The following ZNF385D variants were observed in gnomAD, a reference collection of about 807,000 sequenced individuals.
ZNF385D encodes the protein zinc finger protein 659.
A neutral mutation model predicts 35.8 loss-of-function variants in ZNF385D; 15 were observed. That is an observed-to-expected ratio of 0.42 (90% CI 0.28 to 0.64). The LOEUF (loss-of-function observed/expected upper bound fraction) is 0.64. Ranked by LOEUF, ZNF385D falls within the 30% of genes least tolerant of loss-of-function variation. The pLI, the probability that ZNF385D is intolerant of heterozygous loss-of-function variation, is 0.23. For synonymous variants in ZNF385D, 212 were observed against 186.8 expected (o/e 1.13, Z -1.10); for missense variants, 474 against 494.6 (o/e 0.96, Z 0.39).
chr3:21,969,502 T>C (rs1703113260), intron 3 of ZNF385D, among the ~76,000 whole-genome samples: 2 of 152,174 alleles, frequency 1.3e-5, no homozygotes, highest in African/African-American at 4.8e-5. Flanking sequence ...CTTTCTTTTA[T>C]AAATTACCCA....
At chr3:21,983,106 G>A (rs904087297) in intron 3 of ZNF385D, among the ~76,000 whole-genome samples, 1 of 148,566 alleles carries the variant, frequency 6.7e-6, no homozygotes, top group Non-Finnish European at 1.5e-5. Context: ...TGGCCTCATA[G>A]AATGAATTGG....
chr3:22,108,359 GT>G (rs34021740), intron 3 of ZNF385D, among the ~76,000 whole-genome samples: 2 of 149,464 alleles, frequency 1.3e-5, no homozygotes, highest in East Asian at 2.0e-4. Flanking sequence ...ATAATGAAAG[GT>G]TTTTTTTGTT....
intron 3 of ZNF385D, among the ~76,000 whole-genome samples, chr3:22,141,593 G>C (rs1019975500): frequency 6.6e-6 from 1 of 152,132 alleles, no homozygotes; most frequent in African/African-American, 2.4e-5. Context: ...GGTGGGACCC[G>C]CGGTAGTTCA....
chr3:21,738,438 T>G (rs1211508003), intron 1 of ZNF385D, among the ~76,000 whole-genome samples: 1 of 152,208 alleles, frequency 6.6e-6, no homozygotes, highest in Non-Finnish European at 1.5e-5. Context: ...CTGTTTGGGT[T>G]GCCATACTTA....
chr3:22,144,313 C>A (rs372205213), intron 3 of ZNF385D, among the ~76,000 whole-genome samples: 1 of 152,056 alleles, frequency 6.6e-6, no homozygotes. Flanking sequence ...GGAGCTCACA[C>A]CTGTAATCTC....
chr3:21,590,114 A>C (rs1575265602), intron 2 of ZNF385D, among the ~76,000 whole-genome samples: 1 of 152,186 alleles, frequency 6.6e-6, no homozygotes, highest in Admixed American at 6.5e-5. Context: ...CTACAGTGGA[A>C]TAGACCTGTA....
chr3:21,704,431 T>C (rs2067821510), intron 1 of ZNF385D, among the ~76,000 whole-genome samples: 1 of 151,910 alleles, frequency 6.6e-6, no homozygotes, highest in South Asian at 2.1e-4. Flanking sequence ...AATACCATTC[T>C]TCATTTACTA....
At chr3:21,831,550 C>T (rs916073834) in intron 3 of ZNF385D, among the ~76,000 whole-genome samples, 2 of 152,282 alleles carry the variant, frequency 1.3e-5, no homozygotes, top group Non-Finnish European at 2.9e-5. Flanking sequence ...AAAGGTTATC[C>T]ATACCACTTA....
At chr3:21,563,716 G>A (rs768784177) in intron 3 of ZNF385D, among the ~76,000 whole-genome samples, 2 of 152,120 alleles carry the variant, frequency 1.3e-5, no homozygotes, top group South Asian at 2.1e-4. Context: ...ATGGTACCTC[G>A]ATAGGATGGA....
At chr3:21,865,153 G>T (rs373692487) in intron 3 of ZNF385D, among the ~76,000 whole-genome samples, 2 of 126,448 alleles carry the variant, frequency 1.6e-5, no homozygotes, top group Admixed American at 2.0e-4. Flanking sequence ...GGTCATTATT[G>T]TAAGATAAGG....
At chr3:22,159,855 T>C (rs1705834166) in intron 3 of ZNF385D, among the ~76,000 whole-genome samples, 1 of 152,066 alleles carries the variant, frequency 6.6e-6, no homozygotes. Context: ...CTGAAGGATA[T>C]GGTCGGTAAG....
intron 3 of ZNF385D, among the ~76,000 whole-genome samples, chr3:21,790,341 G>C (rs77470945): frequency 0.016 from 2,407 of 152,028 alleles, 71 homozygotes; most frequent in African/African-American, 0.055. Context: ...GAGGAAGAAT[G>C]GAAAGATTGA....
chr3:22,146,267 C>T (rs1383857881), intron 3 of ZNF385D, among the ~76,000 whole-genome samples: 1 of 152,092 alleles, frequency 6.6e-6, no homozygotes, highest in Non-Finnish European at 1.5e-5. Flanking sequence ...CAGTAATATT[C>T]GTTTAATAGC....
At chr3:21,823,372 A>T (rs1194302655) in intron 3 of ZNF385D, among the ~76,000 whole-genome samples, 1 of 152,156 alleles carries the variant, frequency 6.6e-6, no homozygotes, top group East Asian at 1.9e-4. Context: ...TATCCTAAAC[A>T]CTGATTTACT....
At chr3:22,121,347 A>T (rs1335552217) in intron 3 of ZNF385D, among the ~76,000 whole-genome samples, 2 of 152,232 alleles carry the variant, frequency 1.3e-5, no homozygotes, top group Admixed American at 1.3e-4. Flanking sequence ...CTCATGCATG[A>T]ATCAATCTGC....
At chr3:22,000,176 C>T (rs963123961) in intron 3 of ZNF385D, among the ~76,000 whole-genome samples, 2 of 151,924 alleles carry the variant, frequency 1.3e-5, no homozygotes, top group Admixed American at 6.6e-5. Context: ...GTGGTGGTGG[C>T]TGCCTGTAGT....
At chr3:22,167,435 G>A (rs1217881004) in intron 3 of ZNF385D, among the ~76,000 whole-genome samples, 1 of 152,164 alleles carries the variant, frequency 6.6e-6, no homozygotes, top group African/African-American at 2.4e-5. Context: ...CCTCTCCACT[G>A]AGAGGTGTTC....
At chr3:21,814,167 A>G (rs898029553) in intron 3 of ZNF385D, among the ~76,000 whole-genome samples, 1 of 152,224 alleles carries the variant, frequency 6.6e-6, no homozygotes, top group Non-Finnish European at 1.5e-5. Flanking sequence ...TTTGTCACCA[A>G]CAGGCCTGTC....
At chr3:22,308,031 G>T (rs1041578130) in intron 2 of ZNF385D, among the ~76,000 whole-genome samples, 1 of 152,054 alleles carries the variant, frequency 6.6e-6, no homozygotes, top group African/African-American at 2.4e-5. Flanking sequence ...TCTCTAGACA[G>T]CTCCATTTAC....
Sources: allele counts gnomAD v4.1 joint callset (sites outside exome capture counted in the v4.1 genomes callset), GRCh38; gene constraint gnomAD v4.1.1; transcripts MANE v1.5; gene names NCBI Gene and HGNC (gene_info 2026-07-23, HGNC 2026-07-21).